NEK1: variants seen among roughly 807,000 people sequenced by gnomAD.
The protein encoded by NEK1 is NIMA related kinase 1.
Under a neutral mutation model 182.1 loss-of-function variants are expected in NEK1, and 137 were observed. The observed-to-expected ratio is 0.75, with a 90% confidence interval of 0.65 to 0.87. The LOEUF (loss-of-function observed/expected upper bound fraction) is 0.87. Ranked by LOEUF, NEK1 falls within the 40% of genes least tolerant of loss-of-function variation. NEK1 has a pLI of 0.00. For missense variants in NEK1, 1,391 were observed against 1,494.4 expected, an observed-to-expected ratio of 0.93 and a Z score of 1.14; for synonymous variants, 513 against 492.2, an observed-to-expected ratio of 1.04 and a Z score of -0.56.
intron 27 of NEK1, among the ~76,000 whole-genome samples, chr4:169,450,022 C>T (rs944087965): frequency 5.3e-5 from 8 of 152,096 alleles, no homozygotes; most frequent in Non-Finnish European, 1.2e-4. Flanking sequence ...ATGAGAACTT[C>T]GTGACACATG....
chr4:169,491,255 C>T (rs992395270), intron 23 of NEK1, among the ~76,000 whole-genome samples: 3 of 149,908 alleles, frequency 2.0e-5, no homozygotes, highest in Admixed American at 6.6e-5. Flanking sequence ...TCCATATCTA[C>T]AGAAGTTGAA....
At chr4:169,544,396 A>G (rs1029255123) in intron 18 of NEK1, among the ~76,000 whole-genome samples, 1 of 152,056 alleles carries the variant, frequency 6.6e-6, no homozygotes, top group Non-Finnish European at 1.5e-5. Context: ...TTTTCGCAAC[A>G]ATGTTCATCA....
At chr4:169,400,186 A>G (rs1214514434) in intron 35 of NEK1, 39 bp downstream of exon 35, 1 of 1,551,478 alleles carries the variant, frequency 6.4e-7, no homozygotes. Context: ...TTTTTCTCAC[A>G]TTTACTGAAA....
At chr4:169,404,184 T>C (rs576746498) in intron 32 of NEK1, among the ~76,000 whole-genome samples, 9 of 152,144 alleles carry the variant, frequency 5.9e-5, no homozygotes, top group Non-Finnish European at 1.3e-4. Flanking sequence ...TAGCAGTTTG[T>C]CAACAATAAA....
intron 19 of NEK1, among the ~76,000 whole-genome samples, chr4:169,529,870 T>C (rs762572192): frequency 1.3e-5 from 2 of 152,178 alleles, no homozygotes; most frequent in African/African-American, 2.4e-5. Context: ...ATACATGGTT[T>C]AGATGGCTAA....
At chr4:169,605,606 T>C (rs961279616) in intron 2 of NEK1, among the ~76,000 whole-genome samples, 1 of 152,144 alleles carries the variant, frequency 6.6e-6, no homozygotes, top group Non-Finnish European at 1.5e-5. Flanking sequence ...TAGAAAACAA[T>C]AACAAATTGT....
In NEK1 at chr4:169,555,992, C is replaced by G; in HGVS notation, c.1370G>C (p.Arg457Thr). 1.2e-6 allele frequency: 2 copies of G among 1,613,682 alleles called. No homozygotes were observed. Among genetic ancestry groups the G allele is most frequent in the Non-Finnish European group, 8.5e-7 (1 of 1,179,782 alleles). ...HAIFDQMQQQ[R>T]AEDNEAKWKR... ...CCATTTAGCTTCATTATCTTCTGCT[C>G]TTTGTTGCTGCATTTGGTCAAAAAT... Residue 457 changes from arginine (R) to threonine (T), a missense_variant, in exon 17 of 36, where the codon AGA (arginine) becomes ACA (threonine). Coordinates refer to ENST00000507142, the MANE Select transcript of NEK1 (RefSeq NM_001199397.3).
intron 23 of NEK1, among the ~76,000 whole-genome samples, chr4:169,502,131 A>G (rs192207665): frequency 2.0e-5 from 3 of 152,130 alleles, no homozygotes; most frequent in Non-Finnish European, 2.9e-5. Flanking sequence ...TGCACATACT[A>G]TAAAATTAGG....
chr4:169,404,822 G>T (rs1160141548), intron 32 of NEK1, among the ~76,000 whole-genome samples: 3 of 151,846 alleles, frequency 2.0e-5, no homozygotes, highest in African/African-American at 7.3e-5. Context: ...GGGTACATGT[G>T]CACAATCTAA....
intron 23 of NEK1, among the ~76,000 whole-genome samples, chr4:169,483,588 C>A (rs551705309): frequency 6.6e-6 from 1 of 152,014 alleles, no homozygotes; most frequent in East Asian, 1.9e-4. Flanking sequence ...ACAAATAGGC[C>A]GGGCGCAGTG....
intron 23 of NEK1, among the ~76,000 whole-genome samples, chr4:169,491,743 G>T (rs938511802): frequency 6.6e-6 from 1 of 152,174 alleles, no homozygotes; most frequent in African/African-American, 2.4e-5. Context: ...ACAATGGTGT[G>T]TAAATCTCTC....
At position 169,594,312 on chromosome 4, in the gene NEK1, G is replaced by A. The variant is rs548464964; in HGVS notation, c.313-3503C>T. On this transcript the variant is annotated intron_variant, in intron 5 of 35. Transcript: ENST00000507142. Reference sequence around the variant, plus strand: ...ATGTATTAGAATTTTCCCAAAGTATGCTCAGTTTTGATGGGTTTATGCATT... The same window carrying A: ...ATGTATTAGAATTTTCCCAAAGTATACTCAGTTTTGATGGGTTTATGCATT... Among the ~76,000 whole-genome samples the A allele has an allele frequency of 8.5e-5, 13 of 152,238 alleles. No homozygotes were observed. The East Asian group carries it at 2.5e-3, about 29-fold the overall frequency.
chr4:169,589,363 C>T (rs910785273), intron 7 of NEK1, 84 bp downstream of exon 7: 1 of 794,598 alleles, frequency 1.3e-6, no homozygotes, highest in African/African-American at 1.8e-5. Context: ...CTTAAAGATA[C>T]CATAAATTAT....
chr4:169,496,674 GCC>G (rs1305558008), intron 23 of NEK1, among the ~76,000 whole-genome samples: 1 of 149,300 alleles, frequency 6.7e-6, no homozygotes, highest in Non-Finnish European at 1.5e-5. Flanking sequence ...TGTGGTTTTT[GCC>G]TTTGGTTCTG....
At chr4:169,457,527 G>A (rs559244374) in intron 27 of NEK1, among the ~76,000 whole-genome samples, 4 of 151,460 alleles carry the variant, frequency 2.6e-5, no homozygotes, top group African/African-American at 7.3e-5. Context: ...TGAGGCAGGC[G>A]GATCACTTGA....
intron 7 of NEK1, 44 bp downstream of exon 7, chr4:169,589,403 C>T (rs374629161): frequency 2.7e-4 from 293 of 1,082,598 alleles, no homozygotes; most frequent in African/African-American, 2.5e-3. Context: ...ATTGAAGGTT[C>T]GCTGAAAACA....
chr4:169,471,030 T>TA (rs1362239588), intron 26 of NEK1, among the ~76,000 whole-genome samples: 1 of 152,188 alleles, frequency 6.6e-6, no homozygotes, highest in Non-Finnish European at 1.5e-5. Context: ...TGTAACTTTT[T>TA]ATCAAGGTTC....
intron 23 of NEK1, among the ~76,000 whole-genome samples, chr4:169,493,112 C>T (rs1580172399): frequency 1.3e-5 from 2 of 152,094 alleles, no homozygotes; most frequent in Admixed American, 1.3e-4. Flanking sequence ...GGACTGCAGC[C>T]TGAATTACAC....
chr4:169,534,797 C>G (rs1758201304), intron 19 of NEK1, among the ~76,000 whole-genome samples: 2 of 152,024 alleles, frequency 1.3e-5, no homozygotes, highest in Admixed American at 1.3e-4. Flanking sequence ...ATAAAATACG[C>G]AACGCTTGGT....
Sources: allele counts gnomAD v4.1 joint callset (sites outside exome capture counted in the v4.1 genomes callset), GRCh38; gene constraint gnomAD v4.1.1; transcripts MANE v1.5; gene names NCBI Gene and HGNC (gene_info 2026-07-23, HGNC 2026-07-21).